TASP1: variants seen among roughly 807,000 people sequenced by gnomAD.
The protein encoded by TASP1 is taspase 1.
Under a neutral mutation model 56.6 loss-of-function variants are expected in TASP1, and 16 were observed. The observed-to-expected ratio is 0.28, with a 90% CI of 0.19 to 0.43. TASP1 has a LOEUF of 0.43. Ranked by LOEUF, TASP1 falls within the 20% of genes least tolerant of loss-of-function variation. The pLI is 1.00. For missense variants in TASP1, 393 were observed against 511.6 expected (o/e 0.77, Z 2.24); for synonymous variants, 179 against 184.2 (o/e 0.97, Z 0.23).
chr20:13,201,020 T>C, the TASP1 span, among the ~76,000 whole-genome samples: 1 of 152,174 alleles, frequency 6.6e-6, no homozygotes, highest in African/African-American at 2.4e-5. Flanking sequence ...GGCAGCATAG[T>C]TGTGAACAAA....
the TASP1 span, among the ~76,000 whole-genome samples, chr20:13,149,223 T>A: frequency 1.3e-5 from 2 of 152,298 alleles, no homozygotes; most frequent in Non-Finnish European, 2.9e-5. Flanking sequence ...AGAAGAAAGA[T>A]CAGAAACTAC....
chr20:13,306,676 G>C, the TASP1 span, among the ~76,000 whole-genome samples: 2 of 151,616 alleles, frequency 1.3e-5, no homozygotes, highest in African/African-American at 4.9e-5. Context: ...CATAAGTAAA[G>C]GGAGGTCTTT....
At chr20:13,176,288 T>TAA in the TASP1 span, among the ~76,000 whole-genome samples, 2 of 152,188 alleles carry the variant, frequency 1.3e-5, no homozygotes, top group Non-Finnish European at 2.9e-5. Context: ...CTGTGTTGAA[T>TAA]AAGAGTGGTG....
the TASP1 span, among the ~76,000 whole-genome samples, chr20:13,176,202 T>A: frequency 2.0e-5 from 3 of 152,168 alleles, no homozygotes; most frequent in African/African-American, 7.2e-5. Flanking sequence ...ACAGGAAAAT[T>A]TGACTTCCTC....
intron 8 of TASP1, among the ~76,000 whole-genome samples, chr20:13,558,064 G>C (rs748019795): frequency 4.0e-5 from 6 of 151,792 alleles, no homozygotes; most frequent in South Asian, 2.1e-4. Context: ...TGATTATCTC[G>C]TGGCAACACA....
Position 13,571,564 on chromosome 20 carries a change from C to T in TASP1, c.489-1978G>A, listed in dbSNP as rs143341399. ...TGGTCTGAGCCACCATCATCTGATA[C>T]CTACAATGCTGCAGTGGCCCCACTA... On this transcript the variant is annotated intron_variant, in intron 6 of 13. Transcript: ENST00000337743. Among the ~76,000 whole-genome samples the T allele has an allele frequency of 3.2e-3, 494 of 152,280 alleles. 2 individuals are homozygous for T. Among genetic ancestry groups the T allele is most frequent in the East Asian group, 0.012 (60 of 5,184 alleles).
At chr20:13,383,575 G>A in the TASP1 span, among the ~76,000 whole-genome samples, 1 of 152,164 alleles carries the variant, frequency 6.6e-6, no homozygotes, top group African/African-American at 2.4e-5. Flanking sequence ...TAAACCTGTA[G>A]AAGGCCTGGT....
At chr20:13,520,544 T>C (rs1247113179) in intron 10 of TASP1, among the ~76,000 whole-genome samples, 1 of 152,152 alleles carries the variant, frequency 6.6e-6, no homozygotes, top group Non-Finnish European at 1.5e-5. Context: ...ATTTAATAAA[T>C]GGTGCTGGGA....
intron 11 of TASP1, among the ~76,000 whole-genome samples, chr20:13,461,847 C>T (rs1291469618): frequency 1.3e-5 from 2 of 152,134 alleles, no homozygotes; most frequent in African/African-American, 4.8e-5. Context: ...AAGAGTCGTC[C>T]AGATCAAGGA....
the TASP1 span, chr20:13,299,774 T>C: frequency 3.8e-6 from 1 of 265,352 alleles, no homozygotes; most frequent in African/African-American, 2.1e-5. The surrounding 1 kb of genome is among the most constrained non-coding windows in gnomAD (Gnocchi z 5.8). Context: ...CACACCCGGA[T>C]CCAGAGTTTC....
At chr20:13,623,384 T>A in intron 4 of TASP1, 62 bp downstream of exon 4, 1 of 1,401,364 alleles carries the variant, frequency 7.1e-7, no homozygotes, top group Non-Finnish European at 1.0e-6. Context: ...CAATTTCATG[T>A]CATTTAAGAA....
At chr20:13,241,527 A>C in the TASP1 span, among the ~76,000 whole-genome samples, 2 of 152,136 alleles carry the variant, frequency 1.3e-5, no homozygotes, top group African/African-American at 2.4e-5. Context: ...TGTTCTGTGT[A>C]ACAATTGGGA....
rs749268231 is a variant in TASP1, at chr20:13,435,017, C to T, written c.1096+27G>A. The T allele has an allele frequency of 1.4e-5, 21 of 1,491,182 alleles. No individual in the cohort carries two copies. In the African/African-American group the frequency reaches 1.7e-4, roughly 12 times the overall value. The allele number at this position is 1,491,182 out of a possible 1,614,324, so 92.4% of individuals were successfully genotyped here. ...TTTCTTGGAAAAAAAAATAGAAAGA[C>T]ACACACAATGTATATGTCTCACTTA... On this transcript the variant is annotated intron_variant, in intron 12 of 13. Transcript: ENST00000337743.
the TASP1 span, among the ~76,000 whole-genome samples, chr20:13,317,872 C>T: frequency 1.4e-4 from 22 of 152,134 alleles, no homozygotes; most frequent in Admixed American, 5.9e-4. Context: ...ATCTAGATGA[C>T]CTTGTGTTAG....
chr20:13,503,376 T>C (rs2044015783), intron 10 of TASP1, among the ~76,000 whole-genome samples: 1 of 151,920 alleles, frequency 6.6e-6, no homozygotes, highest in Non-Finnish European at 1.5e-5. Flanking sequence ...ATATTAAGAA[T>C]ACCTCCCCAA....
chr20:13,412,324 G>C (rs911090184), intron 13 of TASP1, among the ~76,000 whole-genome samples: 1 of 152,182 alleles, frequency 6.6e-6, no homozygotes, highest in Non-Finnish European at 1.5e-5. Flanking sequence ...TGCTCTGCCA[G>C]GGAATAAAGC....
At chr20:13,239,181 T>C in the TASP1 span, 1 of 152,156 alleles carries the variant, frequency 6.6e-6, no homozygotes, top group Non-Finnish European at 1.5e-5. Context: ...TAAATAGAAA[T>C]AATGAAAGGC....
At chr20:13,376,869 G>A in the TASP1 span, among the ~76,000 whole-genome samples, 1 of 151,748 alleles carries the variant, frequency 6.6e-6, no homozygotes, top group African/African-American at 2.4e-5. Flanking sequence ...TCATGATTTG[G>A]CTGTTTGCTT....
chr20:13,212,323 A>G, the TASP1 span, among the ~76,000 whole-genome samples: 1 of 152,186 alleles, frequency 6.6e-6, no homozygotes, highest in African/African-American at 2.4e-5. Flanking sequence ...TGCCCTTTGG[A>G]TACCAAAGTA....
Sources: gnomAD v4.1 joint callset for allele counts (sites outside exome capture counted in the v4.1 genomes callset) on GRCh38, gnomAD v4.1.1 for gene constraint, Gnocchi (gnomAD v3.1) non-coding constraint, MANE v1.5 for transcripts, NCBI Gene and HGNC (gene_info 2026-07-23, HGNC 2026-07-21) for gene names.